IL1RAPL2: variants seen among roughly 807,000 people sequenced by gnomAD.
The protein encoded by IL1RAPL2 is interleukin 1 receptor accessory protein like 2, also known as X-linked interleukin-1 receptor accessory protein-like 2.
A neutral mutation model predicts 44.1 loss-of-function variants in IL1RAPL2; 3 were observed. The observed-to-expected ratio is 0.07, with a 90% CI of 0.03 to 0.18. IL1RAPL2 has a LOEUF of 0.18. Among genes scored for constraint, IL1RAPL2 ranks in the 10% least tolerant of loss-of-function variants. IL1RAPL2 has a pLI of 1.00. For synonymous variants in IL1RAPL2, 181 were observed against 178.8 expected, an observed-to-expected ratio of 1.01 and a Z score of -0.10; for missense variants, 391 against 496.4, an observed-to-expected ratio of 0.79 and a Z score of 2.02.
chrX:105,540,695 A>T (rs1442295621), intron 6 of IL1RAPL2, among the ~76,000 whole-genome samples: 2 of 101,046 alleles, frequency 2.0e-5, no homozygotes, highest in Admixed American at 2.4e-4. Flanking sequence ...ATAAATAGGT[A>T]TCTCAAAATA....
intron 6 of IL1RAPL2, among the ~76,000 whole-genome samples, chrX:105,580,248 C>T (rs771043417): frequency 8.8e-4 from 98 of 111,189 alleles, no homozygotes; most frequent in Non-Finnish European, 1.7e-3. Flanking sequence ...AAATGGGCAG[C>T]CTCCGTTATA....
chrX:104,997,643 T>C (rs889030636), intron 2 of IL1RAPL2, among the ~76,000 whole-genome samples: 14 of 111,713 alleles, frequency 1.3e-4, no homozygotes, highest in African/African-American at 4.6e-4. Flanking sequence ...GTGAAGATAA[T>C]AGGAAAAGGT....
intron 5 of IL1RAPL2, among the ~76,000 whole-genome samples, chrX:105,382,579 A>C (rs2035441739): frequency 2.0e-5 from 2 of 97,670 alleles, no homozygotes; most frequent in African/African-American, 8.5e-5. Context: ...TCAGGGATCT[A>C]GAACTAGAAA....
In IL1RAPL2 at chrX:105,197,594, G is replaced by A. The variant is rs1188400056; in HGVS notation, c.356+1846G>A. Among the ~76,000 whole-genome samples, 6 of 111,033 alleles carry A rather than the reference G, an allele frequency of 5.4e-5. 1 individual carries two copies. The highest frequency in any genetic ancestry group is 1.1e-4 in the Non-Finnish European group (6 of 52,965). On this transcript the variant is annotated intron_variant, in intron 3 of 10. Coordinates refer to ENST00000372582, the MANE Select transcript of IL1RAPL2 (RefSeq NM_017416.2). Reference sequence around the variant, plus strand: ...CTCCTAGCAATAATAACAACTTAGTGATCCCTACATGCATTTCCCCTACTG... The same window carrying A: ...CTCCTAGCAATAATAACAACTTAGTAATCCCTACATGCATTTCCCCTACTG...
chrX:105,422,547 A>G (rs1021255559), intron 5 of IL1RAPL2, among the ~76,000 whole-genome samples: 1 of 112,159 alleles, frequency 8.9e-6, no homozygotes, highest in Non-Finnish European at 1.9e-5. Flanking sequence ...ATACTCATAA[A>G]TAGCTTCCAA....
At chrX:105,663,034 G>A (rs776648523) in intron 6 of IL1RAPL2, among the ~76,000 whole-genome samples, 2 of 112,021 alleles carry the variant, frequency 1.8e-5, no homozygotes. Flanking sequence ...TGGTAAAGGG[G>A]ATTTTCTATA....
At chrX:104,829,531 G>C (rs1025357537) in intron 2 of IL1RAPL2, among the ~76,000 whole-genome samples, 2 of 112,345 alleles carry the variant, frequency 1.8e-5, no homozygotes, top group Admixed American at 1.9e-4. Flanking sequence ...CCCACCTTCT[G>C]TGTTGGTCTC....
intron 6 of IL1RAPL2, among the ~76,000 whole-genome samples, chrX:105,674,929 A>AG (rs201978614): frequency 0.014 from 1,513 of 109,986 alleles, 29 homozygotes; most frequent in African/African-American, 0.047. Flanking sequence ...GCAATTGCGA[A>AG]GGGGGGGTTC....
At chrX:105,040,689 C>G in intron 2 of IL1RAPL2, among the ~76,000 whole-genome samples, 1 of 110,287 alleles carries the variant, frequency 9.1e-6, no homozygotes, top group South Asian at 3.8e-4. Flanking sequence ...ATAGTATTCT[C>G]TGATGGTAGT....
At chrX:104,947,914 C>G (rs1181613018) in intron 2 of IL1RAPL2, among the ~76,000 whole-genome samples, 1 of 111,407 alleles carries the variant, frequency 9.0e-6, no homozygotes, top group African/African-American at 3.3e-5. Context: ...TTTTTTGGTT[C>G]CATATGAACT....
chrX:105,009,449 G>A (rs2031006180), intron 2 of IL1RAPL2, among the ~76,000 whole-genome samples: 1 of 108,675 alleles, frequency 9.2e-6, no homozygotes, highest in African/African-American at 3.4e-5. Context: ...GTCCTTTGTA[G>A]GGACATGGAT....
At chrX:104,951,363 A>G (rs1361727798) in intron 2 of IL1RAPL2, among the ~76,000 whole-genome samples, 1 of 112,434 alleles carries the variant, frequency 8.9e-6, no homozygotes, top group Non-Finnish European at 1.9e-5. Flanking sequence ...GCAAGAAAAT[A>G]GCTAAACCTA....
intron 5 of IL1RAPL2, among the ~76,000 whole-genome samples, chrX:105,296,474 T>C (rs2034655506): frequency 8.9e-6 from 1 of 112,491 alleles, no homozygotes; most frequent in Non-Finnish European, 1.9e-5. Flanking sequence ...GGTCACTTCT[T>C]GTTTATGCCT....
chrX:104,846,116 C>A (rs1922045075), intron 2 of IL1RAPL2, among the ~76,000 whole-genome samples: 1 of 111,476 alleles, frequency 9.0e-6, no homozygotes, highest in South Asian at 3.8e-4. Context: ...AGAAATGTAA[C>A]AACTAGCTAG....
intron 6 of IL1RAPL2, among the ~76,000 whole-genome samples, chrX:105,715,085 A>C (rs1239184071): frequency 8.9e-6 from 1 of 112,115 alleles, no homozygotes; most frequent in Non-Finnish European, 1.9e-5. Flanking sequence ...GGTTCAGGGC[A>C]CTCTCACAAA....
At chrX:105,497,948 A>G (rs745894015) in intron 6 of IL1RAPL2, among the ~76,000 whole-genome samples, 5 of 112,271 alleles carry the variant, frequency 4.5e-5, no homozygotes. Context: ...AGCTAACATC[A>G]TATTTGATGA....
intron 1 of IL1RAPL2, among the ~76,000 whole-genome samples, chrX:104,646,861 G>A (rs185440307): frequency 9.5e-4 from 106 of 111,649 alleles, no homozygotes; most frequent in Admixed American, 2.3e-3. Flanking sequence ...TCACAATGGG[G>A]CCAGGAAGTG....
rs570524329 is a variant in IL1RAPL2 at position 105,704,675 on chromosome X, A to G, written c.773-12692A>G. 1.6e-4 allele frequency among the ~76,000 whole-genome samples: 18 copies of G among 111,294 alleles called. No individual in the cohort carries two copies. In the South Asian group the frequency reaches 6.8e-3, roughly 42 times the overall value. On this transcript the variant is annotated intron_variant, in intron 6 of 10. Coordinates refer to ENST00000372582, the MANE Select transcript of IL1RAPL2 (RefSeq NM_017416.2). Reference sequence around the variant, plus strand: ...CATGTGCTGGATGTGCAGGTTTGTTACATAGGTAAACATGTGCCATGGTGG... The same window carrying G: ...CATGTGCTGGATGTGCAGGTTTGTTGCATAGGTAAACATGTGCCATGGTGG...
chrX:105,035,812 C>G (rs7058755), intron 2 of IL1RAPL2, among the ~76,000 whole-genome samples: 4,359 of 112,233 alleles, frequency 0.039, 230 homozygotes, highest in African/African-American at 0.13. Context: ...CAATGTGTAC[C>G]TTTTATTCCA....
Sources: gnomAD v4.1 joint callset for allele counts (sites outside exome capture counted in the v4.1 genomes callset) on GRCh38, gnomAD v4.1.1 for gene constraint, MANE v1.5 for transcripts, NCBI Gene and HGNC (gene_info 2026-07-23, HGNC 2026-07-21) for gene names.